Variants in MGAT4C observed in about 807,000 individuals in gnomAD.
The protein encoded by MGAT4C is alpha-1,3-mannosyl-glycoprotein 4-beta-N-acetylglucosaminyltransferase C.
A neutral mutation model predicts 40.1 loss-of-function variants in MGAT4C; 19 were observed. The ratio of observed to expected loss-of-function variants is 0.47; its 90% CI spans 0.33 to 0.70. The LOEUF is 0.70. MGAT4C is among the 30% of genes least tolerant of loss of function. The pLI is 0.02. For missense variants in MGAT4C, 491 were observed against 563.2 expected (o/e 0.87, Z 1.30); for synonymous variants, 181 against 187.1 (o/e 0.97, Z 0.27).
At chr12:86,634,393 T>A (rs555798979) in intron 2 of MGAT4C, among the ~76,000 whole-genome samples, 1 of 152,122 alleles carries the variant, frequency 6.6e-6, no homozygotes, top group Admixed American at 6.5e-5. Flanking sequence ...GTGTGTTGAT[T>A]ATCTATTGTT....
At chr12:86,163,226 C>T (rs1446408028) in intron 1 of MGAT4C, among the ~76,000 whole-genome samples, 1 of 151,652 alleles carries the variant, frequency 6.6e-6, no homozygotes, top group South Asian at 2.1e-4. Context: ...CTTTTTGAGA[C>T]AGGGTCTCAC....
chr12:86,832,476 A>G (rs904307974), intron 1 of MGAT4C, among the ~76,000 whole-genome samples: 7 of 151,882 alleles, frequency 4.6e-5, no homozygotes, highest in Non-Finnish European at 1.0e-4. Context: ...AAGATAAGTC[A>G]CATACTCTAT....
chr12:86,444,089 T>C (rs1957290303), intron 2 of MGAT4C, among the ~76,000 whole-genome samples: 1 of 152,178 alleles, frequency 6.6e-6, no homozygotes, highest in African/African-American at 2.4e-5. Context: ...CATTGGAAAA[T>C]ATCTCAAAAT....
At chr12:86,624,275 A>T (rs2136493325) in intron 2 of MGAT4C, among the ~76,000 whole-genome samples, 1 of 152,260 alleles carries the variant, frequency 6.6e-6, no homozygotes, top group Middle Eastern at 3.4e-3. Context: ...TCTAAAGTTG[A>T]CACATACAGG....
chr12:86,802,536 T>C, intron 1 of MGAT4C, among the ~76,000 whole-genome samples: 1 of 152,102 alleles, frequency 6.6e-6, no homozygotes, highest in Admixed American at 6.6e-5. Context: ...ATAATGCTAT[T>C]CTATATTTTA....
chr12:86,384,397 C>A (rs1357781926), intron 3 of MGAT4C, among the ~76,000 whole-genome samples: 1 of 152,118 alleles, frequency 6.6e-6, no homozygotes, highest in Non-Finnish European at 1.5e-5. Context: ...TAGAGATTTT[C>A]ATCTTTAGGG....
intron 3 of MGAT4C, among the ~76,000 whole-genome samples, chr12:86,416,864 T>G (rs964492766): frequency 6.6e-6 from 1 of 152,122 alleles, no homozygotes; most frequent in Admixed American, 6.6e-5. Context: ...TATAATCAAG[T>G]TAAGATGATA....
At chr12:86,143,770 A>G (rs1459988870) in intron 1 of MGAT4C, among the ~76,000 whole-genome samples, 1 of 152,208 alleles carries the variant, frequency 6.6e-6, no homozygotes, top group Non-Finnish European at 1.5e-5. Flanking sequence ...AAAGAAATAA[A>G]AAGTGTTTTT....
At chr12:86,654,852 G>T (rs1963802832) in intron 2 of MGAT4C, among the ~76,000 whole-genome samples, 1 of 151,708 alleles carries the variant, frequency 6.6e-6, no homozygotes, top group African/African-American at 2.4e-5. Context: ...GGGATAAACA[G>T]GAAGCATCTT....
intron 3 of MGAT4C, among the ~76,000 whole-genome samples, chr12:86,375,362 T>G (rs1955804503): frequency 6.6e-6 from 1 of 152,120 alleles, no homozygotes; most frequent in South Asian, 2.1e-4. Context: ...GGAAAATCAT[T>G]TTCAGATCAT....
At chr12:86,648,931 A>G (rs1963621668) in intron 2 of MGAT4C, among the ~76,000 whole-genome samples, 1 of 149,604 alleles carries the variant, frequency 6.7e-6, no homozygotes, top group Non-Finnish European at 1.5e-5. Flanking sequence ...TCCTATGTAT[A>G]CTCTGAAATT....
At chr12:86,344,989 A>G (rs951594760) in intron 3 of MGAT4C, among the ~76,000 whole-genome samples, 1 of 152,138 alleles carries the variant, frequency 6.6e-6, no homozygotes, top group Admixed American at 6.5e-5. Flanking sequence ...GAGAATTAAG[A>G]TAAAATCACT....
intron 3 of MGAT4C, among the ~76,000 whole-genome samples, chr12:86,412,850 G>A (rs1344123261): frequency 6.6e-6 from 1 of 152,122 alleles, no homozygotes; most frequent in Admixed American, 6.6e-5. Flanking sequence ...GTTAGAGAAG[G>A]GGCCTGGTGG....
At chr12:85,989,377 G>T in intron 3 of MGAT4C, 23 bp downstream of exon 3, 1 of 1,542,730 alleles carries the variant, frequency 6.5e-7, no homozygotes, top group Non-Finnish European at 8.7e-7. Flanking sequence ...TTGAAGAAAA[G>T]ACAATCAACC....
chr12:86,762,148 C>G (rs1016785435), intron 1 of MGAT4C, among the ~76,000 whole-genome samples: 1 of 151,666 alleles, frequency 6.6e-6, no homozygotes, highest in Non-Finnish European at 1.5e-5. Flanking sequence ...ACCCCCTGGA[C>G]TTAAGCATTC....
chr12:86,772,823 G>A (rs1477329240), intron 1 of MGAT4C, among the ~76,000 whole-genome samples: 1 of 152,090 alleles, frequency 6.6e-6, no homozygotes, highest in Non-Finnish European at 1.5e-5. Flanking sequence ...TATTTTCAAA[G>A]AAGACAACTT....
At chr12:86,464,697 T>C (rs1957654315) in intron 2 of MGAT4C, among the ~76,000 whole-genome samples, 1 of 152,282 alleles carries the variant, frequency 6.6e-6, no homozygotes, top group South Asian at 2.1e-4. Context: ...GTTTATTCAA[T>C]TAGATCTTTT....
chr12:86,568,617 C>G (rs1038354950), intron 2 of MGAT4C, among the ~76,000 whole-genome samples: 1 of 150,228 alleles, frequency 6.7e-6, no homozygotes, highest in Middle Eastern at 3.4e-3. Context: ...TCTAAATAGC[C>G]AAAGCAATCC....
intron 3 of MGAT4C, among the ~76,000 whole-genome samples, chr12:86,342,561 A>C (rs1954926850): frequency 2.0e-5 from 3 of 152,132 alleles, no homozygotes; most frequent in African/African-American, 7.2e-5. Flanking sequence ...TCTGTCTCCC[A>C]CAGGTCCCAC....
Sources: gnomAD v4.1 joint callset for allele counts (sites outside exome capture counted in the v4.1 genomes callset) on GRCh38, gnomAD v4.1.1 for gene constraint, MANE v1.5 for transcripts, NCBI Gene and HGNC (gene_info 2026-07-23, HGNC 2026-07-21) for gene names.